The following SORCS3 variants were observed in gnomAD, a reference collection of about 807,000 sequenced individuals.
SORCS3 encodes the protein sortilin related VPS10 domain containing receptor 3.
A neutral mutation model predicts 146.3 loss-of-function variants in SORCS3; 57 were observed. The observed-to-expected ratio is 0.39, with a 90% CI of 0.31 to 0.49. The LOEUF (loss-of-function observed/expected upper bound fraction) is 0.49, where lower values mean the gene tolerates loss of function less well. Ranked by LOEUF, SORCS3 falls within the 20% of genes least tolerant of loss-of-function variation. The pLI is 0.92. For missense variants in SORCS3, 1,341 were observed against 1,575.5 expected (o/e 0.85, Z 2.52); for synonymous variants, 653 against 618.5 (o/e 1.06, Z -0.83).
chr10:104,700,132 C>A (rs1018621282), intron 1 of SORCS3, among the ~76,000 whole-genome samples: 1 of 152,182 alleles, frequency 6.6e-6, no homozygotes, highest in African/African-American at 2.4e-5. Context: ...CCTGAGCCAT[C>A]GGCATTCTGC....
intron 5 of SORCS3, among the ~76,000 whole-genome samples, chr10:105,086,981 T>TGCCCATGCCTATGTCCTG (rs67271133): frequency 6.6e-6 from 1 of 151,892 alleles, no homozygotes; most frequent in African/African-American, 2.4e-5. Flanking sequence ...ATGAAGTCTT[T>TGCCCATGCCTATGTCCTG]GCCCATGCCT....
chr10:104,744,806 G>A (rs1336111337), intron 1 of SORCS3, among the ~76,000 whole-genome samples: 1 of 152,212 alleles, frequency 6.6e-6, no homozygotes, highest in Non-Finnish European at 1.5e-5. Flanking sequence ...TCTGCAGGTT[G>A]CTGGTTGGGT....
At chr10:104,684,593 C>T (rs2016019402) in intron 1 of SORCS3, among the ~76,000 whole-genome samples, 1 of 152,114 alleles carries the variant, frequency 6.6e-6, no homozygotes, top group South Asian at 2.1e-4. Context: ...GCTGCTCAGC[C>T]CTCTTCCACC....
chr10:104,651,707 CA>C lies in SORCS3; in HGVS notation c.627+9764del, dbSNP rs990344049. On this transcript the variant is annotated intron_variant, in intron 1 of 26. Transcript: ENST00000369701. The stretch of plus-strand genomic sequence containing the variant: ...TGGGTGACAGAGTGAGACTCCGTCT[CA>C]AAAAAAAAAAGAATGTTAATTCTCA... Among the ~76,000 whole-genome samples, 363 of 144,042 alleles carry C rather than the reference CA, an allele frequency of 2.5e-3. 1 individual carries two copies. The highest frequency in any genetic ancestry group is 7.3e-3 in the African/African-American group (286 of 39,438). 94.5% of individuals were successfully genotyped at this position (144,042 alleles called of 152,430 possible). A position where few individuals can be genotyped will look rare whatever the true frequency, so the allele number is the denominator to read the frequency against.
chr10:105,158,251 T>C (rs2056229554), intron 10 of SORCS3, among the ~76,000 whole-genome samples: 1 of 152,236 alleles, frequency 6.6e-6, no homozygotes, highest in Non-Finnish European at 1.5e-5. Flanking sequence ...TTTGTATTTG[T>C]TGTACAGAAT....
At chr10:105,078,874 A>G (rs1178705024) in intron 5 of SORCS3, among the ~76,000 whole-genome samples, 1 of 152,188 alleles carries the variant, frequency 6.6e-6, no homozygotes, top group African/African-American at 2.4e-5. Context: ...ACTCTAACCC[A>G]GGGTCTGGCT....
chr10:104,767,865 T>G (rs1489025408), intron 1 of SORCS3, among the ~76,000 whole-genome samples: 3 of 150,450 alleles, frequency 2.0e-5, no homozygotes, highest in Admixed American at 6.6e-5. Context: ...TTTGATAAAT[T>G]TATGAGTCTA....
intron 4 of SORCS3, among the ~76,000 whole-genome samples, chr10:105,008,529 A>G (rs790659): frequency 0.55 from 83,412 of 152,066 alleles, 26,104 homozygotes; most frequent in African/African-American, 0.87. Context: ...AGAATTCCAC[A>G]GTGAGGTGCT....
chr10:104,955,695 T>A (rs1235460956), intron 3 of SORCS3, among the ~76,000 whole-genome samples: 1 of 152,160 alleles, frequency 6.6e-6, no homozygotes, highest in Non-Finnish European at 1.5e-5. Context: ...CTGAATGGAA[T>A]AAGAACAATC....
chr10:105,243,442 C>T (rs1421163912), intron 20 of SORCS3, among the ~76,000 whole-genome samples: 1 of 152,184 alleles, frequency 6.6e-6, no homozygotes, highest in Admixed American at 6.5e-5. Flanking sequence ...TTCCATGGCC[C>T]TGAGCTATGC....
chr10:105,163,456 G>A (rs149392200), intron 11 of SORCS3, among the ~76,000 whole-genome samples: 1 of 152,112 alleles, frequency 6.6e-6, no homozygotes, highest in Non-Finnish European at 1.5e-5. Context: ...CCAATCATTT[G>A]TTTTCCCATT....
chr10:105,227,851 A>T (rs1030806191), intron 20 of SORCS3, among the ~76,000 whole-genome samples: 1 of 151,500 alleles, frequency 6.6e-6, no homozygotes, highest in African/African-American at 2.4e-5. Context: ...TGTTTCTTTG[A>T]TATAAATATA....
intron 25 of SORCS3, among the ~76,000 whole-genome samples, chr10:105,261,857 C>A (rs1334264317): frequency 6.6e-6 from 1 of 152,142 alleles, no homozygotes; most frequent in Non-Finnish European, 1.5e-5. Context: ...ATAAGTGATG[C>A]TCTGAAAATT....
At chr10:105,021,431 C>T (rs1444589168) in intron 4 of SORCS3, among the ~76,000 whole-genome samples, 1 of 152,164 alleles carries the variant, frequency 6.6e-6, no homozygotes, top group African/African-American at 2.4e-5. Flanking sequence ...GTTTCCAACA[C>T]ATGTTTTCTG....
chr10:105,235,658 C>A (rs2056789093), intron 20 of SORCS3, among the ~76,000 whole-genome samples: 1 of 151,938 alleles, frequency 6.6e-6, no homozygotes, highest in Non-Finnish European at 1.5e-5. Flanking sequence ...GAGAAGGTCA[C>A]CCCATCCTTA....
intron 5 of SORCS3, among the ~76,000 whole-genome samples, chr10:105,087,224 G>A (rs980854262): frequency 1.3e-5 from 2 of 152,132 alleles, no homozygotes; most frequent in African/African-American, 4.8e-5. Context: ...GTTTGTTGAA[G>A]ATCAGATGGA....
At chr10:104,800,751 A>G (rs2017615537) in intron 1 of SORCS3, among the ~76,000 whole-genome samples, 2 of 152,224 alleles carry the variant, frequency 1.3e-5, no homozygotes, top group African/African-American at 4.8e-5. Flanking sequence ...GAAAAGGGTG[A>G]CAGGAACCTG....
intron 1 of SORCS3, among the ~76,000 whole-genome samples, chr10:104,771,033 A>G (rs916007259): frequency 7.2e-5 from 11 of 152,152 alleles, no homozygotes; most frequent in African/African-American, 1.9e-4. Flanking sequence ...AGTTCATCTC[A>G]GTTCAGACTG....
At chr10:104,949,980 T>G (rs1589562726) in intron 3 of SORCS3, among the ~76,000 whole-genome samples, 2 of 152,238 alleles carry the variant, frequency 1.3e-5, no homozygotes, top group African/African-American at 4.8e-5. Flanking sequence ...GTAATCAGTT[T>G]TGGCTTAAGC....
Sources: allele counts gnomAD v4.1 joint callset (sites outside exome capture counted in the v4.1 genomes callset), GRCh38; gene constraint gnomAD v4.1.1; transcripts MANE v1.5; gene names NCBI Gene and HGNC (gene_info 2026-07-23, HGNC 2026-07-21).